The following PCYT1A variants were observed in gnomAD, a reference collection of about 807,000 sequenced individuals.
The protein encoded by PCYT1A is choline-phosphate cytidylyltransferase A.
Under a neutral mutation model 43.7 loss-of-function variants are expected in PCYT1A, and 25 were observed. The observed-to-expected ratio is 0.57, with a 90% CI of 0.42 to 0.80. PCYT1A has a LOEUF of 0.80. Ranked by LOEUF, PCYT1A falls within the 30% of genes least tolerant of loss-of-function variation. The pLI is 0.00. For missense variants in PCYT1A, 421 were observed against 474.2 expected (o/e 0.89, Z 1.04); for synonymous variants, 172 against 170.7 (o/e 1.01, Z -0.06).
chr3:196,255,513 A>C (rs1724926823), intron 3 of PCYT1A, among the ~76,000 whole-genome samples: 1 of 152,198 alleles, frequency 6.6e-6, no homozygotes, highest in South Asian at 2.1e-4. Context: ...ACCAGTCAGG[A>C]CTTGTTAATT....
chr3:196,280,570 G>GTTTTTTTTTTTTTTTTTTTTTTTAATTTT, intron 1 of PCYT1A, among the ~76,000 whole-genome samples: 1 of 91,346 alleles, frequency 1.1e-5, no homozygotes, highest in Non-Finnish European at 2.1e-5. Flanking sequence ...TATTTTTATT[G>GTTTTTTTTTTTTTTTTTTTTTTTAATTTT]TTTTTTTTTT....
intron 3 of PCYT1A, among the ~76,000 whole-genome samples, chr3:196,254,288 A>C (rs1241696843): frequency 2.0e-5 from 3 of 151,926 alleles, no homozygotes; most frequent in Non-Finnish European, 4.4e-5. Context: ...AGCTTTCCAA[A>C]GTGCTGGGAT....
chr3:196,256,570 C>T (rs868245923), intron 3 of PCYT1A, among the ~76,000 whole-genome samples: 1 of 152,114 alleles, frequency 6.6e-6, no homozygotes, highest in African/African-American at 2.4e-5. Flanking sequence ...GACAGGGTCT[C>T]GCTCTGTCAC....
At chr3:196,283,276 A>C (rs922032768) in intron 1 of PCYT1A, among the ~76,000 whole-genome samples, 1 of 152,166 alleles carries the variant, frequency 6.6e-6, no homozygotes, top group Admixed American at 6.5e-5. Context: ...GTGAGCTAAG[A>C]TTGCACCACT....
chr3:196,266,600 G>T (rs1346452050), intron 2 of PCYT1A, among the ~76,000 whole-genome samples: 2 of 151,922 alleles, frequency 1.3e-5, no homozygotes, highest in Non-Finnish European at 2.9e-5. Flanking sequence ...AAAAAAAAAT[G>T]AAGTACTGGC....
intron 5 of PCYT1A, among the ~76,000 whole-genome samples, chr3:196,246,126 T>A (rs995430684): frequency 6.6e-6 from 1 of 152,160 alleles, no homozygotes; most frequent in Admixed American, 6.5e-5. Context: ...CTGCTAGGTG[T>A]TGATGTAGAA....
chr3:196,283,507 T>C (rs1577379670), intron 1 of PCYT1A: 1 of 152,254 alleles, frequency 6.6e-6, no homozygotes, highest in East Asian at 1.9e-4. Context: ...ACTCATTTCT[T>C]TTTATCTTCT....
rs1193603580 is a variant in PCYT1A, at chr3:196,241,563, G to A, written c.708+385C>T. On this transcript the variant is annotated intron_variant, in intron 7 of 8. Transcript: ENST00000431016. ...CCAAATTTAAAACTCAGGTCTGTGT[G>A]GGAAGTGGTGTGTCGGGTGTCACTA... 6.2e-6 allele frequency: 8 copies of A among 1,298,514 alleles called. No homozygotes were observed. In the East Asian group the frequency reaches 4.3e-4, roughly 70 times the overall value. 80.4% of individuals were successfully genotyped at this position (1,298,514 alleles called of 1,614,324 possible). A position where few individuals can be genotyped will look rare whatever the true frequency, so the allele number is the denominator to read the frequency against.
chr3:196,274,589 G>A (rs1725535281), intron 1 of PCYT1A, among the ~76,000 whole-genome samples: 2 of 152,240 alleles, frequency 1.3e-5, no homozygotes, highest in African/African-American at 4.8e-5. Flanking sequence ...ATACGGTTCA[G>A]AGAAAAATCT....
rs1419131790 is a variant in PCYT1A, at chr3:196,282,133, C to A, written c.-11+5482G>T. On this transcript the variant is annotated intron_variant, in intron 1 of 8. Coordinates refer to ENST00000431016, the MANE Select transcript of PCYT1A (RefSeq NM_001312673.2). The surrounding 1 kb of genome is among the most constrained non-coding windows in gnomAD (Gnocchi z 4.3). Reference sequence around the variant, plus strand: ...TAGCTTTGAACTGGATCTCTTCCCTCTAATTTCGTCAGAGAAACCCTTATT... The same window carrying A: ...TAGCTTTGAACTGGATCTCTTCCCTATAATTTCGTCAGAGAAACCCTTATT... Among the ~76,000 whole-genome samples, 7 of 152,334 alleles carry A rather than the reference C, an allele frequency of 4.6e-5. No individual in the cohort carries two copies. In the East Asian group the frequency reaches 1.4e-3, roughly 29 times the overall value.
At position 196,242,260 on chromosome 3, in the gene PCYT1A, G is replaced by A; in HGVS notation, c.566-170C>T. 1 of 687,878 alleles carries A rather than the reference G, an allele frequency of 1.5e-6. No individual in the cohort carries two copies. The highest frequency in any genetic ancestry group is 2.5e-6 in the Non-Finnish European group (1 of 401,966). The allele number at this position is 687,878 out of a possible 1,614,324, so 42.6% of individuals were successfully genotyped here. A position where few individuals can be genotyped will look rare whatever the true frequency, so the allele number is the denominator to read the frequency against. On this transcript the variant is annotated intron_variant, in intron 6 of 8. Coordinates refer to ENST00000431016, the MANE Select transcript of PCYT1A (RefSeq NM_001312673.2). The surrounding 1 kb of genome is among the most constrained non-coding windows in gnomAD (Gnocchi z 4.2). Reference sequence around the variant, plus strand: ...TATACAGAAGGTAGACCGAATCAAAGGCCAGAGGTAAGGCAAAGAAGAGTT... The same window carrying A: ...TATACAGAAGGTAGACCGAATCAAAAGCCAGAGGTAAGGCAAAGAAGAGTT...
intron 5 of PCYT1A, among the ~76,000 whole-genome samples, chr3:196,244,218 C>T (rs1312729877): frequency 2.0e-5 from 3 of 149,006 alleles, no homozygotes; most frequent in Admixed American, 6.7e-5. Flanking sequence ...CGCCTCTGCC[C>T]GGCCACGACC....
chr3:196,278,723 T>C (rs1213938627), intron 1 of PCYT1A, among the ~76,000 whole-genome samples: 2 of 152,208 alleles, frequency 1.3e-5, no homozygotes, highest in Non-Finnish European at 2.9e-5. Flanking sequence ...CTCATGCCTA[T>C]AATCCCAGCA....
At chr3:196,263,600 A>G (rs1273117211) in intron 2 of PCYT1A, among the ~76,000 whole-genome samples, 2 of 152,104 alleles carry the variant, frequency 1.3e-5, no homozygotes, top group Admixed American at 1.3e-4. Flanking sequence ...CAAAGAACAG[A>G]GCTGAAAGAT....
intron 8 of PCYT1A, among the ~76,000 whole-genome samples, 175 bp downstream of exon 8, chr3:196,239,372 C>T (rs987791049): frequency 3.9e-5 from 6 of 152,172 alleles, no homozygotes; most frequent in African/African-American, 1.2e-4. Flanking sequence ...GAATGTGTAA[C>T]GTCTTTCTGT....
chr3:196,274,244 G>GC (rs886824090), intron 1 of PCYT1A, among the ~76,000 whole-genome samples: 8 of 152,208 alleles, frequency 5.3e-5, no homozygotes, highest in Non-Finnish European at 7.3e-5. Context: ...GCACAGGGAA[G>GC]CCCGGGTATG....
chr3:196,239,630 T>C lies in PCYT1A; in HGVS notation c.814A>G (p.Ile272Val), dbSNP rs1156587499. The change falls in exon 8 of 9, where the codon ATT becomes GTT. Residue 272 changes from isoleucine to valine, a missense_variant. By Grantham distance (29) the Ile-to-Val change is conservative. Transcript: ENST00000431016. ...EFVQKVEEKS[I>V]DLIQKWEEKS... ...TCCTCCCACTTCTGAATGAGGTCAA[T>C]GCTTTTTTCCTCCACCTTCTGAACA... 2.5e-6 allele frequency: 4 copies of C among 1,611,132 alleles called. No homozygotes were observed. The highest frequency in any genetic ancestry group is 1.7e-5 in the Admixed American group (1 of 60,032).
In PCYT1A at chr3:196,234,499, G is replaced by A. The variant is rs1039564417; in HGVS notation, c.*4189C>T. The A allele has an allele frequency of 5.9e-5, 9 of 152,194 alleles. No homozygotes were observed. The highest frequency in any genetic ancestry group is 2.2e-4 in the African/African-American group (9 of 41,430). The allele number at this position is 152,194 out of a possible 1,614,324, so 9.4% of individuals were successfully genotyped here. A position where few individuals can be genotyped will look rare whatever the true frequency, so the allele number is the denominator to read the frequency against. On this transcript the variant is annotated 3_prime_UTR_variant, in exon 9 of 9. Transcript: ENST00000431016. ...AAGACTTCCCCACGGACTCACACTG[G>A]TGATGGGGCGAACGTTCAAGACGAA... is the stretch of plus-strand genomic sequence containing the variant.
intron 3 of PCYT1A, among the ~76,000 whole-genome samples, chr3:196,248,754 CTTTT>C (rs200812322): frequency 6.8e-6 from 1 of 146,750 alleles, no homozygotes; most frequent in African/African-American, 2.5e-5. Context: ...ATACTCCTTT[CTTTT>C]TTTTTATTTT....
Sources: allele counts gnomAD v4.1 joint callset (sites outside exome capture counted in the v4.1 genomes callset), GRCh38; gene constraint gnomAD v4.1.1; non-coding constraint Gnocchi (gnomAD v3.1); transcripts MANE v1.5; gene names NCBI Gene and HGNC (gene_info 2026-07-23, HGNC 2026-07-21).